Variants in NRXN1 observed in about 807,000 individuals in gnomAD.
The protein encoded by NRXN1 is neurexin-1.
In NRXN1, 39 loss-of-function variants were observed where a neutral mutation model predicts 150.9. The ratio of observed to expected loss-of-function variants is 0.26; its 90% CI spans 0.20 to 0.34. The LOEUF (loss-of-function observed/expected upper bound fraction) is 0.34, where lower values mean the gene tolerates loss of function less well. NRXN1 is among the 10% of genes least tolerant of loss of function. NRXN1 has a pLI of 1.00. For synonymous variants in NRXN1, 924 were observed against 757.0 expected (o/e 1.22, Z -3.62); for missense variants, 1,815 against 1,949.9 (o/e 0.93, Z 1.30).
At chr2:49,927,987 A>G (rs1669410767) in intron 22 of NRXN1, among the ~76,000 whole-genome samples, 1 of 152,144 alleles carries the variant, frequency 6.6e-6, no homozygotes, top group Non-Finnish European at 1.5e-5. Context: ...GTCGTCAACT[A>G]TGAACCTGGC....
At chr2:50,109,941 T>C (rs1338675309) in intron 18 of NRXN1, among the ~76,000 whole-genome samples, 2 of 152,200 alleles carry the variant, frequency 1.3e-5, no homozygotes, top group African/African-American at 4.8e-5. Context: ...ATATATTCTG[T>C]GTGATTATAT....
intron 17 of NRXN1, among the ~76,000 whole-genome samples, chr2:50,443,974 A>C (rs547510553): frequency 6.6e-6 from 1 of 152,294 alleles, no homozygotes; most frequent in Admixed American, 6.5e-5. Flanking sequence ...ATTAAACATA[A>C]AATTTGATTT....
chr2:50,456,627 T>C (rs1370318280), intron 17 of NRXN1, among the ~76,000 whole-genome samples: 1 of 152,132 alleles, frequency 6.6e-6, no homozygotes, highest in East Asian at 1.9e-4. Flanking sequence ...CTTGAATTAT[T>C]CCTTAATGCA....
chr2:50,581,449 A>T (rs1672250148), intron 8 of NRXN1, among the ~76,000 whole-genome samples: 1 of 152,200 alleles, frequency 6.6e-6, no homozygotes, highest in African/African-American at 2.4e-5. Context: ...ATATTTCACC[A>T]TCCCTCAGAT....
At chr2:50,579,646 A>G (rs1043856253) in intron 8 of NRXN1, among the ~76,000 whole-genome samples, 6 of 152,180 alleles carry the variant, frequency 3.9e-5, no homozygotes, top group African/African-American at 1.4e-4. Flanking sequence ...TCTTAAAACA[A>G]ATACAAAAAT....
At chr2:50,235,106 A>T (rs2065294535) in intron 18 of NRXN1, among the ~76,000 whole-genome samples, 2 of 152,114 alleles carry the variant, frequency 1.3e-5, no homozygotes, top group African/African-American at 4.8e-5. Context: ...TTGGTTATGG[A>T]TCAATAAGTA....
At chr2:50,034,158 A>G (rs1689642255) in intron 21 of NRXN1, among the ~76,000 whole-genome samples, 1 of 152,106 alleles carries the variant, frequency 6.6e-6, no homozygotes, top group Non-Finnish European at 1.5e-5. Context: ...ACCCAAAGGA[A>G]TATAAATCAT....
At chr2:51,029,848 C>A (rs564187722) in intron 1 of NRXN1, among the ~76,000 whole-genome samples, 2 of 152,170 alleles carry the variant, frequency 1.3e-5, no homozygotes, top group African/African-American at 2.4e-5. Context: ...ATATTAACTT[C>A]TCTAAAGGTG....
intron 22 of NRXN1, among the ~76,000 whole-genome samples, chr2:49,925,696 A>G (rs1668997628): frequency 6.6e-6 from 1 of 152,330 alleles, no homozygotes; most frequent in African/African-American, 2.4e-5. Flanking sequence ...GCAATCTGCA[A>G]CATGTTTTTC....
intron 2 of NRXN1, among the ~76,000 whole-genome samples, chr2:50,945,937 G>GTATTATTATTATTAT (rs538118636): frequency 1.4e-4 from 21 of 145,852 alleles, no homozygotes; most frequent in African/African-American, 5.3e-4. Flanking sequence ...TACTTGTAAA[G>GTATTATTATTATTAT]TATTATTATT....
intron 5 of NRXN1, among the ~76,000 whole-genome samples, chr2:50,885,345 A>G (rs1437063695): frequency 6.6e-6 from 1 of 151,324 alleles, no homozygotes; most frequent in Non-Finnish European, 1.5e-5. Flanking sequence ...AATTTAAAAT[A>G]AAACAGGTTT....
At chr2:50,987,740 C>T (rs1369129082) in intron 2 of NRXN1, among the ~76,000 whole-genome samples, 1 of 151,838 alleles carries the variant, frequency 6.6e-6, no homozygotes, top group Non-Finnish European at 1.5e-5. Flanking sequence ...AGAGCTTGTC[C>T]ATGAATCAAT....
In NRXN1 at chr2:50,531,257, C is replaced by T. The variant is rs199548487; in HGVS notation, c.2317G>A (p.Ala773Thr). 6.2e-6 allele frequency: 10 copies of T among 1,613,270 alleles called. No homozygotes were observed. Among genetic ancestry groups the T allele is most frequent in the East Asian group, 2.2e-5 (1 of 44,854 alleles). The change falls in exon 11 of 23, where the codon GCA becomes ACA. Residue 773 changes from alanine (A) to threonine (T), a missense_variant. Ala to Thr is a moderately conservative substitution (Grantham distance 58). Transcript: ENST00000401669. ...SADTLRLELD[A>T]GRVKLTVNLD... ...TTGACCGTCAGTTTCACACGTCCTG[C>T]GTCTAGCTCCAGGCGGAGGGTGTCA...
rs535039041 is a variant in NRXN1 at position 50,218,628 on chromosome 2, G to C, written c.3546+18161C>G. Among the ~76,000 whole-genome samples, 5 of 151,596 alleles carry C rather than the reference G, an allele frequency of 3.3e-5. No individual in the cohort carries two copies. In the South Asian group the frequency reaches 1.0e-3, roughly 32 times the overall value. On this transcript the variant is annotated intron_variant, in intron 18 of 22. Transcript: ENST00000401669. ...TAAGTTTGTTTATCTTGGAGTCTAAGACAGAATCTAAACTTTCAGCAAGGC... is the reference window on the plus strand; with the variant it reads ...TAAGTTTGTTTATCTTGGAGTCTAACACAGAATCTAAACTTTCAGCAAGGC...
intron 2 of NRXN1, among the ~76,000 whole-genome samples, chr2:50,988,639 G>T (rs1181456746): frequency 6.6e-6 from 1 of 151,848 alleles, no homozygotes; most frequent in Admixed American, 6.6e-5. Context: ...ACCATGTGTT[G>T]TACTGAGATA....
At position 50,091,412 on chromosome 2, in the gene NRXN1, C is replaced by T; in HGVS notation, c.3629G>A (p.Gly1210Glu). ...IEESNAIIND[G>E]KYHVVRFTRS... ...CGTGAAACGAACTACATGGTATTTC[C>T]CATCATTAATGATTGCATTGGATTC... Residue 1210 changes from glycine to glutamate, a missense_variant, in exon 19 of 23, where the codon GGG becomes GAG. Physicochemically the swap from Gly to Glu is moderately conservative, Grantham distance 98. Around this residue, in one of 6 missense-constraint regions of NRXN1, gnomAD observed 339 missense variants for 440.3 expected, o/e 0.77. Transcript: ENST00000401669. The T allele has an allele frequency of 1.2e-6, 2 of 1,614,190 alleles. No individual in the cohort carries two copies. Among genetic ancestry groups the T allele is most frequent in the Non-Finnish European group, 1.7e-6 (2 of 1,180,026 alleles).
At chr2:51,015,215 C>CT in intron 2 of NRXN1, among the ~76,000 whole-genome samples, 1 of 152,110 alleles carries the variant, frequency 6.6e-6, no homozygotes, top group Non-Finnish European at 1.5e-5. Flanking sequence ...CACAAATACT[C>CT]TTTTTCTCTC....
intron 21 of NRXN1, among the ~76,000 whole-genome samples, chr2:50,005,906 T>A (rs191370138): frequency 1.3e-5 from 2 of 152,266 alleles, no homozygotes; most frequent in African/African-American, 4.8e-5. Flanking sequence ...CACAGTTAGA[T>A]CTATTAATTT....
intron 5 of NRXN1, among the ~76,000 whole-genome samples, chr2:50,772,425 A>T (rs1395560486): frequency 1.3e-5 from 2 of 151,140 alleles, no homozygotes; most frequent in Non-Finnish European, 3.0e-5. Flanking sequence ...TGCCTTTCTT[A>T]AAAAAAAATC....
Sources: gnomAD v4.1 joint callset for allele counts (sites outside exome capture counted in the v4.1 genomes callset) on GRCh38, gnomAD v4.1.1 for gene constraint, gnomAD v4.1.1 regional missense constraint, MANE v1.5 for transcripts, NCBI Gene and HGNC (gene_info 2026-07-23, HGNC 2026-07-21) for gene names.